QTGAL: variants seen among roughly 807,000 people sequenced by gnomAD.
QTGAL encodes BGnT-like protein 1.
chr17:82,974,990 A>G, the QTGAL span, among the ~76,000 whole-genome samples: 1 of 108,098 alleles, frequency 9.3e-6, no homozygotes, highest in African/African-American at 5.1e-5. Context: ...GGGCCCCGGG[A>G]CAGAGCCGGA....
the QTGAL span, among the ~76,000 whole-genome samples, chr17:82,973,939 CTG>C: frequency 6.6e-6 from 1 of 152,108 alleles, no homozygotes; most frequent in Non-Finnish European, 1.5e-5. Context: ...CCCCGTGTAC[CTG>C]TGTGTTCCCA....
chr17:83,026,821 CG>C, the QTGAL span, among the ~76,000 whole-genome samples: 7 of 54,660 alleles, frequency 1.3e-4, no homozygotes, highest in African/African-American at 1.5e-4. Context: ...CAGAGCAGGG[CG>C]GGGAGCCTGC....
the QTGAL span, among the ~76,000 whole-genome samples, chr17:82,957,705 T>C: frequency 6.6e-6 from 1 of 152,218 alleles, no homozygotes; most frequent in East Asian, 1.9e-4. Context: ...CCCCTTCCAT[T>C]AGACCCCAAC....
the QTGAL span, chr17:82,965,509 A>G: frequency 1.3e-6 from 1 of 793,546 alleles, no homozygotes. Context: ...GGGCACCGGG[A>G]GGACCCTCAG....
the QTGAL span, among the ~76,000 whole-genome samples, chr17:82,985,735 G>A: frequency 5.9e-5 from 9 of 152,200 alleles, no homozygotes; most frequent in African/African-American, 2.2e-4. Flanking sequence ...GGAGCCCAGG[G>A]TTGATCGGAG....
At chr17:82,995,524 A>G in the QTGAL span, among the ~76,000 whole-genome samples, 1 of 151,996 alleles carries the variant, frequency 6.6e-6, no homozygotes, top group South Asian at 2.1e-4. Flanking sequence ...CTGGGATTAC[A>G]GGCATGTGCC....
the QTGAL span, among the ~76,000 whole-genome samples, chr17:83,010,792 G>A: frequency 4.6e-4 from 70 of 152,312 alleles, no homozygotes; most frequent in Non-Finnish European, 7.8e-4. Flanking sequence ...GGGGAACGGC[G>A]CCCAGGATGC....
the QTGAL span, among the ~76,000 whole-genome samples, chr17:83,051,323 G>GGCGCGGGGAAGGA: frequency 2.0e-5 from 3 of 151,588 alleles, no homozygotes; most frequent in East Asian, 1.9e-4. Flanking sequence ...CAGGTGTGCG[G>GGCGCGGGGAAGGA]GCGCGGGGAA....
At chr17:82,999,070 T>C in the QTGAL span, among the ~76,000 whole-genome samples, 1 of 152,220 alleles carries the variant, frequency 6.6e-6, no homozygotes, top group South Asian at 2.1e-4. Flanking sequence ...GAAAGCACTT[T>C]GGCAGTTTCT....
the QTGAL span, chr17:82,945,359 C>G: frequency 6.6e-6 from 1 of 152,170 alleles, no homozygotes; most frequent in Non-Finnish European, 1.5e-5. Context: ...TACTGACATG[C>G]AACAGTCCCC....
the QTGAL span, among the ~76,000 whole-genome samples, chr17:82,986,536 T>C: frequency 6.6e-6 from 1 of 152,332 alleles, no homozygotes; most frequent in East Asian, 1.9e-4. Context: ...TAAATCTAAA[T>C]GGAAGAAGGT....
the QTGAL span, among the ~76,000 whole-genome samples, chr17:83,050,951 T>C: frequency 1.4e-5 from 2 of 147,312 alleles, no homozygotes; most frequent in South Asian, 2.2e-4. Context: ...GTGTGGGGCA[T>C]GGGCAAGTGT....
At chr17:82,973,960 G>A in the QTGAL span, among the ~76,000 whole-genome samples, 4 of 152,246 alleles carry the variant, frequency 2.6e-5, no homozygotes, top group African/African-American at 4.8e-5. Context: ...CACCCCGCCT[G>A]CCACTGACCA....
the QTGAL span, among the ~76,000 whole-genome samples, chr17:83,021,828 C>T: frequency 6.6e-6 from 1 of 152,240 alleles, no homozygotes; most frequent in East Asian, 1.9e-4. Context: ...GTAATCAAGA[C>T]AGAGTGGAAC....
the QTGAL span, among the ~76,000 whole-genome samples, chr17:83,019,931 A>G: frequency 2.0e-5 from 3 of 152,028 alleles, no homozygotes; most frequent in Non-Finnish European, 2.9e-5. Context: ...ACAGCGTTTC[A>G]CCACGTTGGC....
the QTGAL span, chr17:83,035,158 T>C: frequency 2.8e-6 from 4 of 1,415,946 alleles, no homozygotes; most frequent in Admixed American, 1.9e-5. Flanking sequence ...GCATTCTCTT[T>C]CATAGAGCTT....
chr17:82,997,989 A>C, the QTGAL span, among the ~76,000 whole-genome samples: 2 of 149,678 alleles, frequency 1.3e-5, no homozygotes, highest in African/African-American at 2.4e-5. Flanking sequence ...ATATCTATAT[A>C]TAGATATATA....
At chr17:83,009,487 C>G in the QTGAL span, among the ~76,000 whole-genome samples, 4 of 152,078 alleles carry the variant, frequency 2.6e-5, no homozygotes, top group African/African-American at 9.7e-5. Context: ...CTGAGACCCA[C>G]GAGGTGAGTC....
At chr17:83,026,605 C>A in the QTGAL span, among the ~76,000 whole-genome samples, 91 of 147,132 alleles carry the variant, frequency 6.2e-4, no homozygotes, top group East Asian at 1.0e-3. Context: ...ACAAACCCAC[C>A]ATCGACCGAT....
Sources: gnomAD v4.1 joint callset for allele counts (sites outside exome capture counted in the v4.1 genomes callset) on GRCh38, gnomAD v4.1.1 for gene constraint, MANE v1.5 for transcripts, NCBI Gene and HGNC (gene_info 2026-07-23, HGNC 2026-07-21) for gene names.